PRMT3: variants seen among roughly 807,000 people sequenced by gnomAD.
The protein encoded by PRMT3 is protein arginine N-methyltransferase 3.
PRMT3 carries 62 observed loss-of-function variants against 71.9 expected under a neutral mutation model. That is an observed-to-expected ratio of 0.86 (90% CI 0.70 to 1.07). PRMT3 has a LOEUF of 1.07. PRMT3 is among the 50% of genes least tolerant of loss of function. The pLI, the probability that PRMT3 is intolerant of heterozygous loss-of-function variation, is 0.00. For synonymous variants in PRMT3, 213 were observed against 220.4 expected (o/e 0.97, Z 0.30); for missense variants, 663 against 643.0 (o/e 1.03, Z -0.34).
intron 11 of PRMT3, among the ~76,000 whole-genome samples, chr11:20,454,028 C>A (rs781358349): frequency 7.2e-5 from 11 of 152,076 alleles, no homozygotes; most frequent in Non-Finnish European, 8.8e-5. Flanking sequence ...ATTTGTTGAC[C>A]ATCTACTGGC....
At chr11:20,445,687 C>T (rs1183870749) in intron 10 of PRMT3, among the ~76,000 whole-genome samples, 1 of 151,968 alleles carries the variant, frequency 6.6e-6, no homozygotes, top group Non-Finnish European at 1.5e-5. Context: ...AACTCCGTAC[C>T]CCAGAGGTAA....
At chr11:20,465,558 C>T (rs1850492443) in intron 13 of PRMT3, among the ~76,000 whole-genome samples, 2 of 151,836 alleles carry the variant, frequency 1.3e-5, no homozygotes, top group African/African-American at 4.8e-5. Context: ...TGTTTCAGTT[C>T]ATTTTGATTC....
chr11:20,495,761 T>G (rs1851317830), intron 15 of PRMT3, among the ~76,000 whole-genome samples: 1 of 152,192 alleles, frequency 6.6e-6, no homozygotes, highest in African/African-American at 2.4e-5. Flanking sequence ...CATATAAGTC[T>G]TCTTGTACCA....
chr11:20,503,324 T>G (rs1434973733), intron 15 of PRMT3, among the ~76,000 whole-genome samples: 1 of 152,134 alleles, frequency 6.6e-6, no homozygotes, highest in East Asian at 1.9e-4. Context: ...TGATCTTATT[T>G]CTCTCATTTG....
At chr11:20,482,882 A>G (rs1219110122) in intron 13 of PRMT3, among the ~76,000 whole-genome samples, 3 of 151,830 alleles carry the variant, frequency 2.0e-5, no homozygotes, top group African/African-American at 4.8e-5. Flanking sequence ...TAAATTTGAT[A>G]TATATACCAG....
intron 13 of PRMT3, among the ~76,000 whole-genome samples, chr11:20,473,681 A>C (rs1190752779): frequency 6.6e-6 from 1 of 152,124 alleles, no homozygotes; most frequent in Non-Finnish European, 1.5e-5. Context: ...TTGGGTTGCA[A>C]CGTGCTCCTT....
chr11:20,464,601 A>G, intron 13 of PRMT3, 55 bp downstream of exon 13: 2 of 1,594,416 alleles, frequency 1.3e-6, no homozygotes, highest in Middle Eastern at 1.7e-4. Context: ...GTTGATTGGC[A>G]GGCTAATGAG....
intron 5 of PRMT3, 81 bp from the exon 6 acceptor site, chr11:20,395,722 G>A (rs1338175970): frequency 7.5e-7 from 1 of 1,331,612 alleles, no homozygotes; most frequent in African/African-American, 1.5e-5. Context: ...TAGAAACTTA[G>A]GGCGTATTTA....
intron 13 of PRMT3, among the ~76,000 whole-genome samples, chr11:20,464,835 C>T (rs1334036170): frequency 2.6e-5 from 4 of 152,172 alleles, no homozygotes; most frequent in Non-Finnish European, 5.9e-5. Context: ...TCAACTTTAT[C>T]TTCAAAGACC....
chr11:20,397,303 A>G (rs1848846625), intron 6 of PRMT3, among the ~76,000 whole-genome samples: 2 of 152,232 alleles, frequency 1.3e-5, no homozygotes, highest in African/African-American at 2.4e-5. Context: ...TATAAAAGTA[A>G]TATGCTTATT....
At chr11:20,426,475 T>G (rs1425468486) in intron 9 of PRMT3, among the ~76,000 whole-genome samples, 1 of 152,214 alleles carries the variant, frequency 6.6e-6, no homozygotes, top group African/African-American at 2.4e-5. Context: ...CTGTGTTGTT[T>G]GTTTTAAAGA....
chr11:20,393,921 T>C (rs1402761784), intron 5 of PRMT3: 1 of 152,262 alleles, frequency 6.6e-6, no homozygotes, highest in Non-Finnish European at 1.5e-5. Context: ...TTTGTTGTGC[T>C]GATTAATTTT....
rs1439479709 is a variant in PRMT3 at position 20,464,519 on chromosome 11, GA to G, written c.1324del (p.Ile442SerfsTer58). The G allele has an allele frequency of 6.2e-7, 1 of 1,611,444 alleles. No individual in the cohort carries two copies. The highest frequency in any genetic ancestry group is 8.5e-7 in the Non-Finnish European group (1 of 1,178,912). On this transcript the variant is annotated frameshift_variant, in exon 13 of 16. Transcript: ENST00000331079. LOFTEE classifies it high-confidence loss of function. ...TGGAATTTTCATCAGATTTTACCCT[GA>G]AAATCACAAGGACATCCATGTGCAC... ...DLEFSSDFTL[K>X]ITRTSMCTAI...
At chr11:20,413,580 A>T (rs1849239869) in intron 9 of PRMT3, among the ~76,000 whole-genome samples, 1 of 152,144 alleles carries the variant, frequency 6.6e-6, no homozygotes, top group Admixed American at 6.6e-5. Flanking sequence ...AATTATTAGT[A>T]GTGGTCATCT....
chr11:20,508,470 G>A lies in PRMT3; in HGVS notation c.*57G>A. ...TTTAATGTGGGGGTAGAGTGGGTCAGCAGGAGGGAGCTGGTTTTATGTGAG... is the reference window on the plus strand; with the variant it reads ...TTTAATGTGGGGGTAGAGTGGGTCAACAGGAGGGAGCTGGTTTTATGTGAG... On this transcript the variant is annotated 3_prime_UTR_variant, in exon 16 of 16. Coordinates refer to ENST00000331079, the MANE Select transcript of PRMT3 (RefSeq NM_005788.4). 8.2e-7 allele frequency: 1 copy of A among 1,215,800 alleles called. No individual in the cohort carries two copies. Among genetic ancestry groups the A allele is most frequent in the Non-Finnish European group, 1.2e-6 (1 of 817,680 alleles). 75.3% of individuals were successfully genotyped at this position (1,215,800 alleles called of 1,614,324 possible).
chr11:20,408,177 A>G, intron 9 of PRMT3, 145 bp downstream of exon 9: 1 of 486,650 alleles, frequency 2.1e-6, no homozygotes, highest in Admixed American at 4.0e-5. Flanking sequence ...TAAGATTTTA[A>G]GTTGAATTGA....
chr11:20,493,676 T>C (rs1029475205), intron 13 of PRMT3, among the ~76,000 whole-genome samples: 1 of 152,240 alleles, frequency 6.6e-6, no homozygotes, highest in African/African-American at 2.4e-5. Flanking sequence ...ATTATTTCTC[T>C]AATAAAATGT....
intron 11 of PRMT3, among the ~76,000 whole-genome samples, chr11:20,452,569 T>G (rs982787286): frequency 2.0e-5 from 3 of 152,196 alleles, no homozygotes; most frequent in Admixed American, 2.0e-4. Flanking sequence ...ATGGCATATT[T>G]CATTCTAAGT....
At chr11:20,403,115 A>T (rs1222736086) in intron 8 of PRMT3, 131 bp downstream of exon 8, 1 of 688,868 alleles carries the variant, frequency 1.5e-6, no homozygotes, top group African/African-American at 1.8e-5. Flanking sequence ...GACATTTATG[A>T]TGCTGCTCTG....
Sources: allele counts gnomAD v4.1 joint callset (sites outside exome capture counted in the v4.1 genomes callset), GRCh38; gene constraint gnomAD v4.1.1; transcripts MANE v1.5; gene names NCBI Gene and HGNC (gene_info 2026-07-23, HGNC 2026-07-21).